GOLGA8N: variants seen among roughly 807,000 people sequenced by gnomAD.
GOLGA8N encodes golgin A8 family member N, also known as golgin subfamily A member 8N.
Under a neutral mutation model 22.0 loss-of-function variants are expected in GOLGA8N, and 2 were observed. That is an observed-to-expected ratio of 0.09 (90% CI 0.04 to 0.29). The LOEUF (loss-of-function observed/expected upper bound fraction) is 0.29, where lower values mean the gene tolerates loss of function less well. Ranked by LOEUF, GOLGA8N falls within the 10% of genes least tolerant of loss-of-function variation. The pLI is 1.00. For synonymous variants in GOLGA8N, 2 were observed against 58.7 expected, an observed-to-expected ratio of 0.03 and a Z score of 4.41; for missense variants, 10 against 164.7, an observed-to-expected ratio of 0.06 and a Z score of 5.14.
chr15:32,604,454 G>GC lies in GOLGA8N; in HGVS notation c.*481dup, dbSNP rs1453128810. 4.9e-3 allele frequency: 1,162 copies of GC among 239,342 alleles called. 1 individual carries two copies. The highest frequency in any genetic ancestry group is 0.031 in the African/African-American group (1,087 of 35,354). 14.8% of individuals were successfully genotyped at this position (239,342 alleles called of 1,614,324 possible). On this transcript the variant is annotated 3_prime_UTR_variant, in exon 19 of 19. Coordinates refer to ENST00000448387, the Ensembl canonical transcript of GOLGA8N. ...TCTTCCTTAGCTCAATATGTAGTTT[G>GC]CCCCCAAGTGTGCACTGTTTATTAC...
chr15:32,598,546 GT>G (rs200695462), intron 8 of GOLGA8N, among the ~76,000 whole-genome samples: 36 of 3,564 alleles, frequency 0.01, 8 homozygotes, highest in South Asian at 0.03. Flanking sequence ...ACGTGTGTGC[GT>G]TGTGTGTGTG....
chr15:32,602,147 G>GGGGGGA, intron 14 of GOLGA8N, 59 bp downstream of exon 14: 1 of 75,698 alleles, frequency 1.3e-5, no homozygotes, highest in Non-Finnish European at 2.2e-5. Context: ...GGGACTGCTA[G>GGGGGGA]CAGCATAGGA....
rs1437303611 is a variant in GOLGA8N at position 32,597,609 on chromosome 15, C to G, written c.348+120C>G. Reference sequence around the variant, plus strand: ...GGGAAGAAGGCTGACCCCTCAGATTCCACCCCATCCCCACAGGGCCCCTGA... The same window carrying G: ...GGGAAGAAGGCTGACCCCTCAGATTGCACCCCATCCCCACAGGGCCCCTGA... On this transcript the variant is annotated intron_variant, in intron 5 of 18. Coordinates refer to ENST00000448387, the Ensembl canonical transcript of GOLGA8N. The G allele has an allele frequency of 4.4e-6, 7 of 1,592,388 alleles. No homozygotes were observed. The African/African-American group carries it at 8.1e-5, about 18-fold the overall frequency.
exon 8 of GOLGA8N, chr15:32,598,123 G>A (rs1415353615): frequency 7.8e-7 from 1 of 1,282,172 alleles, no homozygotes; most frequent in African/African-American, 2.1e-5. Context: ...GTAAAGGAGA[G>A]TTAGAGAGCG....
At chr15:32,606,001 CT>C (rs2052929503) in exon 19 of GOLGA8N, 1 of 111,614 alleles carries the variant, frequency 9.0e-6, no homozygotes, top group African/African-American at 3.2e-5. Context: ...TTAAAATGCA[CT>C]TAAAGTCCTG....
chr15:32,605,721 C>T (rs2052924734), exon 19 of GOLGA8N: 7 of 114,822 alleles, frequency 6.1e-5, no homozygotes, highest in Non-Finnish European at 1.3e-4. Context: ...ACTAGATCAT[C>T]TCCATTTTTA....
At chr15:32,604,591 G>A in exon 19 of GOLGA8N, 2 of 109,806 alleles carry the variant, frequency 1.8e-5, no homozygotes, top group Admixed American at 1.0e-4. Context: ...ATAACCTTTT[G>A]GGGGAGCTTT....
exon 19 of GOLGA8N, chr15:32,605,262 ATG>A (rs1235006451): frequency 2.0e-5 from 3 of 148,840 alleles, no homozygotes; most frequent in African/African-American, 7.5e-5. Context: ...AAACTAATAT[ATG>A]TGAGATAGTT....
exon 19 of GOLGA8N, chr15:32,607,144 A>C (rs1567041012): frequency 6.6e-6 from 1 of 152,322 alleles, no homozygotes; most frequent in East Asian, 1.9e-4. Flanking sequence ...AATGTAATAA[A>C]TTATTAAATT....
In GOLGA8N at chr15:32,606,676, A is replaced by T. The variant is rs538233350; in HGVS notation, c.*2698A>T. 8.1e-4 allele frequency: 122 copies of T among 150,596 alleles called. 5 individuals carry two copies. Among genetic ancestry groups the T allele is most frequent in the African/African-American group, 2.8e-3 (115 of 40,752 alleles). The allele number at this position is 150,596 out of a possible 1,614,324, so 9.3% of individuals were successfully genotyped here. A position where few individuals can be genotyped will look rare whatever the true frequency, so the allele number is the denominator to read the frequency against. On this transcript the variant is annotated 3_prime_UTR_variant, in exon 19 of 19. Coordinates refer to ENST00000448387, the Ensembl canonical transcript of GOLGA8N. ...TTTTAATGTCTGTAGGAAGAATCAAAACACCTATTTAAAGATGGCAATATA... is the reference window on the plus strand; with the variant it reads ...TTTTAATGTCTGTAGGAAGAATCAATACACCTATTTAAAGATGGCAATATA...
Position 32,595,777 on chromosome 15 carries a change from C to CAA in GOLGA8N, c.168+404_168+405dup, listed in dbSNP as rs1186195961. On this transcript the variant is annotated intron_variant, in intron 2 of 18. Coordinates refer to ENST00000448387, the Ensembl canonical transcript of GOLGA8N. Reference sequence around the variant, plus strand: ...CTGGTGACAGAGCAAGACTCTGTCTCAAAAAAAAAAAAAAAGGAATTCTGG... The same window carrying CAA: ...CTGGTGACAGAGCAAGACTCTGTCTCAAAAAAAAAAAAAAAAAGGAATTCTGG... 1.2e-3 allele frequency among the ~76,000 whole-genome samples: 61 copies of CAA among 50,494 alleles called. 3 individuals are homozygous for CAA. The highest frequency in any genetic ancestry group is 1.4e-3 in the East Asian group (3 of 2,220). The allele number at this position is 50,494 out of a possible 152,430, so 33.1% of individuals were successfully genotyped here. A position where few individuals can be genotyped will look rare whatever the true frequency, so the allele number is the denominator to read the frequency against.
exon 1 of GOLGA8N, chr15:32,593,530 C>A (rs199809147): frequency 0.18 from 264,688 of 1,472,610 alleles, 6,472 homozygotes; most frequent in Non-Finnish European, 0.2. Flanking sequence ...GTGGCCCCAA[C>A]CCTTCCTCCC....
chr15:32,606,678 C>T (rs917807404), exon 19 of GOLGA8N: 3 of 148,100 alleles, frequency 2.0e-5, no homozygotes, highest in Admixed American at 6.8e-5. Flanking sequence ...AGAATCAAAA[C>T]ACCTATTTAA....
intron 5 of GOLGA8N, 124 bp from the exon 6 acceptor site, chr15:32,597,628 C>G: frequency 6.7e-7 from 1 of 1,488,156 alleles, no homozygotes; most frequent in Non-Finnish European, 9.2e-7. Context: ...CCCCACAGGG[C>G]CCCTGATAAC....
exon 19 of GOLGA8N, chr15:32,604,932 C>T (rs1171561118): frequency 3.3e-5 from 2 of 61,242 alleles, no homozygotes; most frequent in Non-Finnish European, 6.3e-5. Flanking sequence ...TGACTACATG[C>T]CCCAGTACAC....
chr15:32,606,896 A>C (rs2140422683), exon 19 of GOLGA8N: 1 of 150,694 alleles, frequency 6.6e-6, no homozygotes, highest in African/African-American at 2.4e-5. Context: ...CTGCTATCTT[A>C]ATGTTCTGAA....
At chr15:32,606,825 A>G (rs2052940635) in exon 19 of GOLGA8N, 1 of 151,626 alleles carries the variant, frequency 6.6e-6, no homozygotes, top group Non-Finnish European at 1.5e-5. Flanking sequence ...TATCCATAAT[A>G]TAGTTTCTCT....
chr15:32,605,237 T>C (rs1175141469), exon 19 of GOLGA8N: 1 of 147,872 alleles, frequency 6.8e-6, no homozygotes, highest in African/African-American at 2.5e-5. Context: ...TTAAAAAAAA[T>C]AGAAACATTC....
exon 19 of GOLGA8N, chr15:32,606,721 A>G (rs1385024717): frequency 1.3e-5 from 2 of 148,768 alleles, no homozygotes; most frequent in East Asian, 4.0e-4. Context: ...TTTTAAAAGT[A>G]TTTGATTCAA....
Sources: gnomAD v4.1 joint callset for allele counts (sites outside exome capture counted in the v4.1 genomes callset) on GRCh38, gnomAD v4.1.1 for gene constraint, MANE v1.5 for transcripts, NCBI Gene and HGNC (gene_info 2026-07-23, HGNC 2026-07-21) for gene names.